PTPRM: variants seen among roughly 807,000 people sequenced by gnomAD.
The protein encoded by PTPRM is protein tyrosine phosphatase receptor type M, also known as receptor-type tyrosine-protein phosphatase mu.
In PTPRM, 47 loss-of-function variants were observed where a neutral mutation model predicts 186.7. The ratio of observed to expected loss-of-function variants is 0.25; its 90% CI spans 0.20 to 0.32. The LOEUF (loss-of-function observed/expected upper bound fraction) is 0.32, where lower values mean the gene tolerates loss of function less well. Ranked by LOEUF, PTPRM falls within the 10% of genes least tolerant of loss-of-function variation. PTPRM has a pLI of 1.00. For synonymous variants in PTPRM, 668 were observed against 674.9 expected, an observed-to-expected ratio of 0.99 and a Z score of 0.16; for missense variants, 1,494 against 1,865.0, an observed-to-expected ratio of 0.80 and a Z score of 3.66.
At chr18:8,146,025 C>CTT (rs33980345) in intron 14 of PTPRM, among the ~76,000 whole-genome samples, 1,953 of 109,828 alleles carry the variant, frequency 0.018, 16 homozygotes, top group African/African-American at 0.024. Context: ...TCTTTCTTTT[C>CTT]TTTTTTTTTT....
In PTPRM at chr18:8,296,584, G is replaced by C; in HGVS notation, c.2842+129G>C. On this transcript the variant is annotated intron_variant, in intron 20 of 32. Coordinates refer to ENST00000580170, the MANE Select transcript of PTPRM (RefSeq NM_001105244.2). ...CCTTCATCCTTCTAGAACAGCTGGT[G>C]TTAACGCTCGTACTAAAGAAAGGAA... 4.8e-6 allele frequency: 3 copies of C among 619,752 alleles called. No individual in the cohort carries two copies. The East Asian group carries it at 8.5e-5, about 18-fold the overall frequency. 38.4% of individuals were successfully genotyped at this position (619,752 alleles called of 1,614,324 possible). A position where few individuals can be genotyped will look rare whatever the true frequency, so the allele number is the denominator to read the frequency against.
At chr18:8,250,004 A>G (rs1334279656) in intron 17 of PTPRM, among the ~76,000 whole-genome samples, 1 of 152,210 alleles carries the variant, frequency 6.6e-6, no homozygotes, top group Non-Finnish European at 1.5e-5. Context: ...ACTTGAAACC[A>G]CGGAAGAATT....
At chr18:7,818,462 T>A (rs1050432323) in intron 2 of PTPRM, among the ~76,000 whole-genome samples, 3 of 152,176 alleles carry the variant, frequency 2.0e-5, no homozygotes, top group African/African-American at 7.2e-5. Flanking sequence ...ACTCACTTGC[T>A]CCCTGCGTGC....
At chr18:8,113,430 G>A (rs2091839836) in intron 11 of PTPRM, 56 bp from the exon 12 acceptor site, 1 of 1,516,518 alleles carries the variant, frequency 6.6e-7, no homozygotes, top group South Asian at 1.2e-5. Flanking sequence ...GTTGAAGGCA[G>A]AGTGGATCAG....
At chr18:7,921,774 C>T (rs2050881871) in intron 4 of PTPRM, among the ~76,000 whole-genome samples, 1 of 152,036 alleles carries the variant, frequency 6.6e-6, no homozygotes, top group Non-Finnish European at 1.5e-5. Context: ...TTCTGAATTG[C>T]TTTTCTGTGG....
At chr18:8,029,986 T>C (rs958248173) in intron 7 of PTPRM, among the ~76,000 whole-genome samples, 1 of 152,220 alleles carries the variant, frequency 6.6e-6, no homozygotes, top group Non-Finnish European at 1.5e-5. Context: ...TGCCCAGATG[T>C]GTTCCTTCTT....
chr18:8,198,685 A>G (rs1021136681), intron 14 of PTPRM, among the ~76,000 whole-genome samples: 4 of 152,218 alleles, frequency 2.6e-5, no homozygotes, highest in Admixed American at 2.0e-4. Context: ...CTTAATGACG[A>G]ACCGACGGCT....
At chr18:8,034,802 G>A (rs939936658) in intron 7 of PTPRM, among the ~76,000 whole-genome samples, 5 of 152,188 alleles carry the variant, frequency 3.3e-5, no homozygotes, top group African/African-American at 1.2e-4. Flanking sequence ...AAGTCTAACA[G>A]CCTTCCTTCA....
At chr18:7,889,629 G>A (rs532673835) in intron 3 of PTPRM, among the ~76,000 whole-genome samples, 1 of 152,214 alleles carries the variant, frequency 6.6e-6, no homozygotes, top group African/African-American at 2.4e-5. Context: ...ATGAGCCATT[G>A]TGCCCAGCTG....
At chr18:8,049,295 A>C (rs754174675) in intron 7 of PTPRM, 10 of 152,206 alleles carry the variant, frequency 6.6e-5, no homozygotes, top group Non-Finnish European at 1.3e-4. Context: ...CAAGGAGCTC[A>C]AGCAAAAACC....
At chr18:8,322,654 G>T (rs2095353016) in intron 22 of PTPRM, among the ~76,000 whole-genome samples, 3 of 152,114 alleles carry the variant, frequency 2.0e-5, no homozygotes, top group Admixed American at 2.0e-4. Context: ...CATGCAAGTG[G>T]GTAGGATTGC....
intron 14 of PTPRM, among the ~76,000 whole-genome samples, chr18:8,194,786 C>T (rs2093753752): frequency 1.3e-5 from 2 of 152,194 alleles, no homozygotes; most frequent in Admixed American, 1.3e-4. Flanking sequence ...TTTTGAAATA[C>T]TGCATTGTTC....
chr18:8,158,777 G>C (rs2093172275), intron 14 of PTPRM, among the ~76,000 whole-genome samples: 1 of 152,206 alleles, frequency 6.6e-6, no homozygotes, highest in South Asian at 2.1e-4. Context: ...GCACAAGCAG[G>C]CGTGTCCCAT....
rs181126651 is a variant in PTPRM at position 7,832,316 on chromosome 18, G to A, written c.197-55790G>A. Among the ~76,000 whole-genome samples the A allele has an allele frequency of 1.9e-4, 29 of 152,214 alleles. No homozygotes were observed. In the East Asian group the frequency reaches 4.3e-3, roughly 22 times the overall value. On this transcript the variant is annotated intron_variant, in intron 2 of 32. Coordinates refer to ENST00000580170, the MANE Select transcript of PTPRM (RefSeq NM_001105244.2). The stretch of plus-strand genomic sequence containing the variant: ...ATTGCCTGTCTTTTGGATATAAGCC[G>A]TTTTAACTGGGGCGAGATGATATCT...
intron 19 of PTPRM, among the ~76,000 whole-genome samples, chr18:8,264,463 A>G (rs894407029): frequency 3.3e-5 from 5 of 151,960 alleles, no homozygotes; most frequent in Non-Finnish European, 7.4e-5. Context: ...CACCTACTAT[A>G]TCGGCACTGT....
chr18:7,974,912 C>T (rs556190910), intron 7 of PTPRM, among the ~76,000 whole-genome samples: 1 of 152,172 alleles, frequency 6.6e-6, no homozygotes, highest in East Asian at 1.9e-4. Flanking sequence ...ATCAGAATCA[C>T]CTGGAGGACT....
chr18:7,998,844 A>G (rs899904603), intron 7 of PTPRM, among the ~76,000 whole-genome samples: 2 of 152,096 alleles, frequency 1.3e-5, no homozygotes, highest in African/African-American at 4.8e-5. Context: ...TAATAGAGAC[A>G]GGATTTTGCC....
chr18:8,052,518 T>G (rs1195693094), intron 7 of PTPRM, among the ~76,000 whole-genome samples: 1 of 152,200 alleles, frequency 6.6e-6, no homozygotes, highest in East Asian at 1.9e-4. Context: ...CCCTATAGCC[T>G]GGGTGTGGAG....
intron 19 of PTPRM, among the ~76,000 whole-genome samples, chr18:8,265,165 G>A (rs994420390): frequency 2.6e-5 from 4 of 152,202 alleles, no homozygotes; most frequent in South Asian, 2.1e-4. Context: ...CGTTGACAGC[G>A]CCAATTCTGC....
Sources: gnomAD v4.1 joint callset for allele counts (sites outside exome capture counted in the v4.1 genomes callset) on GRCh38, gnomAD v4.1.1 for gene constraint, MANE v1.5 for transcripts, NCBI Gene and HGNC (gene_info 2026-07-23, HGNC 2026-07-21) for gene names.